NAALADL2: variants seen among roughly 807,000 people sequenced by gnomAD.
NAALADL2 encodes N-acetylated alpha-linked acidic dipeptidase like 2.
Under a neutral mutation model 87.2 loss-of-function variants are expected in NAALADL2, and 76 were observed. That is an observed-to-expected ratio of 0.87 (90% CI 0.72 to 1.05). The LOEUF is 1.05. Ranked by LOEUF, NAALADL2 falls within the 50% of genes least tolerant of loss-of-function variation. The pLI is 0.00. For synonymous variants in NAALADL2, 354 were observed against 331.0 expected (o/e 1.07, Z -0.75); for missense variants, 1,089 against 945.8 (o/e 1.15, Z -1.99).
intron 3 of NAALADL2, among the ~76,000 whole-genome samples, chr3:174,824,084 T>A (rs1056364324): frequency 1.2e-4 from 19 of 152,216 alleles, no homozygotes; most frequent in Non-Finnish European, 2.8e-4. Context: ...AACTTAAATG[T>A]GTATTATCTA....
chr3:175,644,052 G>A (rs4380418), intron 11 of NAALADL2, among the ~76,000 whole-genome samples: 40,115 of 151,892 alleles, frequency 0.26, 6,083 homozygotes, highest in African/African-American at 0.43. Flanking sequence ...GATTGCTAAT[G>A]AAGTTGAGTG....
intron 1 of NAALADL2, among the ~76,000 whole-genome samples, chr3:174,475,903 A>C (rs1272877349): frequency 6.6e-6 from 1 of 152,006 alleles, no homozygotes; most frequent in African/African-American, 2.4e-5. Context: ...CAAGGAGATG[A>C]ACAAAGGAAA....
At chr3:175,527,618 C>G (rs1733591725) in intron 9 of NAALADL2, among the ~76,000 whole-genome samples, 1 of 152,062 alleles carries the variant, frequency 6.6e-6, no homozygotes, top group Non-Finnish European at 1.5e-5. Flanking sequence ...TAACATCCCC[C>G]TCACAATATG....
intron 3 of NAALADL2, among the ~76,000 whole-genome samples, chr3:174,852,116 T>C (rs553036232): frequency 1.6e-4 from 24 of 152,142 alleles, no homozygotes; most frequent in African/African-American, 3.6e-4. Context: ...GCTAGTATTA[T>C]GCTGAGTGGG....
rs183874632 is a variant in NAALADL2 at position 174,826,979 on chromosome 3, T to C, written c.-9+89233T>C. Among the ~76,000 whole-genome samples, 551 of 152,116 alleles carry C rather than the reference T, an allele frequency of 3.6e-3. 3 individuals are homozygous for C. The highest frequency in any genetic ancestry group is 0.02 in the Middle Eastern group (6 of 294). ...TAAGAAATTAATAAAAGCACTCTTA[T>C]TATAACTAGCAGATTGAATAAGAAT... is the stretch of plus-strand genomic sequence containing the variant. On this transcript the variant is annotated intron_variant, in intron 3 of 3. Transcript: ENST00000434257.
Position 174,624,711 on chromosome 3 carries a change from T to TA in NAALADL2, c.-115+74075dup, listed in dbSNP as rs556693542. Among the ~76,000 whole-genome samples the TA allele has an allele frequency of 3.4e-3, 517 of 152,268 alleles. 7 individuals carry two copies. Among genetic ancestry groups the TA allele is most frequent in the South Asian group, 0.031 (151 of 4,824 alleles). ...TGTTCATTTCAAAATAACTAATAGT[T>TA]ATTTAGATTGCAAGCTCTAAAAGGT... On this transcript the variant is annotated intron_variant, in intron 2 of 3. Coordinates refer to the NAALADL2 transcript ENST00000434257.
intron 2 of NAALADL2, among the ~76,000 whole-genome samples, chr3:175,143,818 C>T (rs953001905): frequency 6.6e-6 from 1 of 151,890 alleles, no homozygotes; most frequent in African/African-American, 2.4e-5. Context: ...CCTCCTTACG[C>T]AATGACATAT....
chr3:175,695,034 A>C (rs1737556989), intron 11 of NAALADL2, among the ~76,000 whole-genome samples: 1 of 151,812 alleles, frequency 6.6e-6, no homozygotes, highest in Non-Finnish European at 1.5e-5. Flanking sequence ...GTGTTGCCTA[A>C]TTTGAGGTGC....
chr3:174,742,984 T>C (rs1254745945), intron 3 of NAALADL2, among the ~76,000 whole-genome samples: 1 of 151,736 alleles, frequency 6.6e-6, no homozygotes, highest in Non-Finnish European at 1.5e-5. Context: ...TTTTTCCTTT[T>C]ATGTAATAGT....
intron 2 of NAALADL2, among the ~76,000 whole-genome samples, chr3:175,190,508 T>C (rs185480826): frequency 6.6e-5 from 10 of 152,234 alleles, no homozygotes; most frequent in African/African-American, 1.9e-4. Flanking sequence ...AACTCACACC[T>C]GTTAGGATGT....
chr3:175,079,443 A>T (rs1676738577), intron 1 of NAALADL2: 1 of 152,118 alleles, frequency 6.6e-6, no homozygotes, highest in African/African-American at 2.4e-5. Flanking sequence ...CAGTTTATTC[A>T]TCTTTTTTGT....
At chr3:174,455,264 G>C (rs1715758262) in intron 1 of NAALADL2, among the ~76,000 whole-genome samples, 1 of 152,044 alleles carries the variant, frequency 6.6e-6, no homozygotes, top group Non-Finnish European at 1.5e-5. Flanking sequence ...AAAAATTCCA[G>C]GAACAGACAG....
intron 2 of NAALADL2, among the ~76,000 whole-genome samples, chr3:174,669,869 A>G (rs1379462875): frequency 6.6e-6 from 1 of 152,030 alleles, no homozygotes; most frequent in African/African-American, 2.4e-5. Context: ...CAATCCATGA[A>G]CACAAATGTC....
At chr3:174,850,963 T>G (rs1725171377) in intron 3 of NAALADL2, among the ~76,000 whole-genome samples, 1 of 152,110 alleles carries the variant, frequency 6.6e-6, no homozygotes, top group East Asian at 1.9e-4. Context: ...AGAGAAACTT[T>G]GGAAACTCTA....
At chr3:174,546,665 G>A (rs1447800369) in intron 1 of NAALADL2, among the ~76,000 whole-genome samples, 1 of 151,886 alleles carries the variant, frequency 6.6e-6, no homozygotes, top group Non-Finnish European at 1.5e-5. Flanking sequence ...TTTTATTTTT[G>A]TTTTGTTTTG....
At chr3:175,037,001 G>C (rs577150890) in intron 1 of NAALADL2, among the ~76,000 whole-genome samples, 1 of 151,846 alleles carries the variant, frequency 6.6e-6, no homozygotes, top group Non-Finnish European at 1.5e-5. Context: ...CAGGTTGGTC[G>C]TTTCTTCTGA....
At chr3:175,366,131 A>G (rs1765536816) in intron 5 of NAALADL2, among the ~76,000 whole-genome samples, 1 of 138,626 alleles carries the variant, frequency 7.2e-6, no homozygotes, top group Non-Finnish European at 1.6e-5. Flanking sequence ...TCCTTGCGAT[A>G]GTTTACTGAG....
chr3:175,549,038 G>A (rs1713867932), intron 9 of NAALADL2, among the ~76,000 whole-genome samples: 1 of 151,868 alleles, frequency 6.6e-6, no homozygotes, highest in South Asian at 2.1e-4. Flanking sequence ...AGAAATTCAA[G>A]CTCTCCTTCT....
intron 4 of NAALADL2, among the ~76,000 whole-genome samples, chr3:175,314,085 A>G (rs1758729485): frequency 1.3e-5 from 2 of 151,472 alleles, no homozygotes; most frequent in Admixed American, 1.3e-4. Flanking sequence ...AAAAAAAAAA[A>G]AAAAAGAAAA....
Sources: gnomAD v4.1 joint callset for allele counts (sites outside exome capture counted in the v4.1 genomes callset) on GRCh38, gnomAD v4.1.1 for gene constraint, MANE v1.5 for transcripts, NCBI Gene and HGNC (gene_info 2026-07-23, HGNC 2026-07-21) for gene names.